RIN3: variants seen among roughly 807,000 people sequenced by gnomAD.
RIN3 encodes Ras and Rab interactor 3, also known as RAB5 interacting protein 3.
A neutral mutation model predicts 76.3 loss-of-function variants in RIN3; 54 were observed. The ratio of observed to expected loss-of-function variants is 0.71; its 90% CI spans 0.57 to 0.89. The LOEUF (loss-of-function observed/expected upper bound fraction) is 0.89, where lower values mean the gene tolerates loss of function less well. Ranked by LOEUF, RIN3 falls within the 40% of genes least tolerant of loss-of-function variation. RIN3 has a pLI of 0.00. For missense variants in RIN3, 1,256 were observed against 1,322.1 expected, an observed-to-expected ratio of 0.95 and a Z score of 0.78; for synonymous variants, 576 against 564.0, an observed-to-expected ratio of 1.02 and a Z score of -0.30.
chr14:92,653,056 G>A lies in RIN3; in HGVS notation c.2007G>A (p.Leu669=). The part of the protein sequence containing the change: ...TELKALVDPA[L]HSEEELEAIV... ...TCAAGGCCCTGGTGGACCCCGCCCT[G>A]CACTCCGAGGAGGAGCTCGGTCAGT... The change falls in exon 6 of 10, where the codon CTG becomes CTA. Residue 669 remains leucine (L), a synonymous_variant. Coordinates refer to ENST00000216487, the MANE Select transcript of RIN3 (RefSeq NM_024832.5). The A allele has an allele frequency of 2.5e-6, 4 of 1,604,806 alleles. No homozygotes were observed. The highest frequency in any genetic ancestry group is 2.2e-5 in the East Asian group (1 of 44,824).
chr14:92,580,400 A>G (rs973917892), intron 3 of RIN3, among the ~76,000 whole-genome samples: 1 of 152,206 alleles, frequency 6.6e-6, no homozygotes. Context: ...CCACACATTC[A>G]TGTGTTCAGC....
At chr14:92,664,592 G>A (rs992448890) in intron 7 of RIN3, among the ~76,000 whole-genome samples, 6 of 151,552 alleles carry the variant, frequency 4.0e-5, no homozygotes, top group East Asian at 3.9e-4. Context: ...GGATGGTCTC[G>A]ATCTCCTGAC....
At chr14:92,604,168 A>C (rs949525250) in intron 3 of RIN3, among the ~76,000 whole-genome samples, 10 of 152,306 alleles carry the variant, frequency 6.6e-5, no homozygotes, top group Non-Finnish European at 1.2e-4. Context: ...TCCATGGAAG[A>C]GTGGGCATGG....
intron 2 of RIN3, among the ~76,000 whole-genome samples, chr14:92,556,162 T>C (rs1475916998): frequency 2.0e-5 from 3 of 152,104 alleles, no homozygotes; most frequent in African/African-American, 7.2e-5. Flanking sequence ...GGTTTCTTCT[T>C]TGGGGAGCAG....
At chr14:92,673,708 A>G (rs377675542) in intron 7 of RIN3, among the ~76,000 whole-genome samples, 1 of 152,120 alleles carries the variant, frequency 6.6e-6, no homozygotes. Flanking sequence ...GCTTCCCCAC[A>G]TTGGCCAGGT....
At chr14:92,608,742 C>CCAGGCTGGT (rs1395058238) in intron 3 of RIN3, among the ~76,000 whole-genome samples, 2 of 152,174 alleles carry the variant, frequency 1.3e-5, no homozygotes, top group East Asian at 3.9e-4. Context: ...ACCATGCTGG[C>CCAGGCTGGT]CAGGCTGGTC....
At chr14:92,576,472 T>C (rs1898236568) in intron 2 of RIN3, 2 of 1,204,438 alleles carry the variant, frequency 1.7e-6, no homozygotes. Context: ...CAGAAGCAAG[T>C]CTTCCTGCTC....
chr14:92,575,712 C>T (rs974787779), intron 2 of RIN3, among the ~76,000 whole-genome samples: 1 of 152,016 alleles, frequency 6.6e-6, no homozygotes, highest in Non-Finnish European at 1.5e-5. Context: ...TGAGGACGAC[C>T]AGAGGTCACT....
intron 7 of RIN3, among the ~76,000 whole-genome samples, chr14:92,671,126 G>T (rs968657506): frequency 3.3e-5 from 5 of 152,180 alleles, no homozygotes; most frequent in Admixed American, 1.3e-4. Flanking sequence ...TGCGAGAGAG[G>T]CTCAGAGAGG....
At chr14:92,665,506 T>G (rs1159477059) in intron 7 of RIN3, among the ~76,000 whole-genome samples, 2 of 150,938 alleles carry the variant, frequency 1.3e-5, no homozygotes, top group African/African-American at 2.4e-5. Context: ...AGCCTCCTGA[T>G]TAGCTGGGAC....
intron 3 of RIN3, among the ~76,000 whole-genome samples, chr14:92,590,893 C>A (rs1413674768): frequency 6.6e-6 from 1 of 152,188 alleles, no homozygotes; most frequent in East Asian, 1.9e-4. Context: ...CTGTTTATAG[C>A]AGTTCCTTTT....
At chr14:92,672,559 A>T (rs750203826) in intron 7 of RIN3, among the ~76,000 whole-genome samples, 1 of 152,236 alleles carries the variant, frequency 6.6e-6, no homozygotes, top group Non-Finnish European at 1.5e-5. Context: ...CTGAAATCAC[A>T]AGCCCTGGCA....
At chr14:92,645,638 CG>C (rs111812236) in intron 5 of RIN3, among the ~76,000 whole-genome samples, 35 of 152,280 alleles carry the variant, frequency 2.3e-4, no homozygotes, top group African/African-American at 7.7e-4. Flanking sequence ...TAAATAGGCA[CG>C]GGCTTTCTTT....
chr14:92,621,307 C>T (rs1014349060), intron 4 of RIN3, among the ~76,000 whole-genome samples: 76 of 145,674 alleles, frequency 5.2e-4, no homozygotes, highest in Admixed American at 5.0e-3. Flanking sequence ...GTTTTACTGT[C>T]GATGAAGAGT....
At chr14:92,527,537 C>T (rs1408578724) in intron 1 of RIN3, among the ~76,000 whole-genome samples, 1 of 152,128 alleles carries the variant, frequency 6.6e-6, no homozygotes, top group Non-Finnish European at 1.5e-5. Flanking sequence ...GTAATTTACA[C>T]GGAGTAAAAG....
intron 8 of RIN3, among the ~76,000 whole-genome samples, chr14:92,677,314 G>A (rs545618975): frequency 6.6e-6 from 1 of 152,162 alleles, no homozygotes; most frequent in South Asian, 2.1e-4. Context: ...AGAATTTCCT[G>A]AGGGGCAGCC....
chr14:92,520,531 C>T (rs899112587), intron 1 of RIN3, among the ~76,000 whole-genome samples: 5 of 152,196 alleles, frequency 3.3e-5, no homozygotes, highest in Admixed American at 6.5e-5. Flanking sequence ...GATGCGCCAC[C>T]CTACCTCCCG....
Position 92,648,370 on chromosome 14 carries a change from ATGT to A in RIN3, c.533-3208_533-3206del, listed in dbSNP as rs1000465077. 6.6e-6 allele frequency among the ~76,000 whole-genome samples: 1 copy of A among 152,162 alleles called. No individual in the cohort carries two copies. The highest frequency in any genetic ancestry group is 2.4e-5 in the African/African-American group (1 of 41,446). ...AAAATCCACACCTGAGCAATGGGAA[ATGT>A]TGTCTTCTGTTCTGTGCCTAATGGA... On this transcript the variant is annotated intron_variant, in intron 5 of 9. Transcript: ENST00000216487. The surrounding 1 kb of genome is among the most constrained non-coding windows in gnomAD (Gnocchi z 4.1).
intron 4 of RIN3, among the ~76,000 whole-genome samples, chr14:92,630,319 C>G (rs989828075): frequency 3.9e-5 from 6 of 152,088 alleles, no homozygotes; most frequent in African/African-American, 1.4e-4. Flanking sequence ...TTGGTAAAAC[C>G]GCACTCTACT....
Sources: allele counts gnomAD v4.1 joint callset (sites outside exome capture counted in the v4.1 genomes callset), GRCh38; gene constraint gnomAD v4.1.1; non-coding constraint Gnocchi (gnomAD v3.1); transcripts MANE v1.5; gene names NCBI Gene and HGNC (gene_info 2026-07-23, HGNC 2026-07-21).